The following UGT1A4 variants were observed in gnomAD, a reference collection of about 807,000 sequenced individuals.
The protein encoded by UGT1A4 is UDP glucuronosyltransferase family 1 member A4.
In UGT1A4, 32 loss-of-function variants were observed where a neutral mutation model predicts 41.1. The ratio of observed to expected loss-of-function variants is 0.78; its 90% CI spans 0.59 to 1.05. UGT1A4 has a LOEUF of 1.05. Among genes scored for constraint, UGT1A4 ranks in the 50% least tolerant of loss-of-function variants. UGT1A4 has a pLI of 0.00. For missense variants in UGT1A4, 748 were observed against 677.4 expected, an observed-to-expected ratio of 1.10 and a Z score of -1.16; for synonymous variants, 283 against 265.1, an observed-to-expected ratio of 1.07 and a Z score of -0.66.
At position 233,767,086 on chromosome 2, in the gene UGT1A4, C is replaced by A. The variant is rs1169717734; in HGVS notation, c.920C>A (p.Ser307Tyr). 2 of 1,614,008 alleles carry A rather than the reference C, an allele frequency of 1.2e-6. No individual in the cohort carries two copies. Among genetic ancestry groups the A allele is most frequent in the Non-Finnish European group, 1.7e-6 (2 of 1,180,008 alleles). Residue 307 changes from serine (S) to tyrosine (Y), a missense_variant, in exon 2 of 5, where the codon TCT becomes TAT. Coordinates refer to ENST00000373409, the MANE Select transcript of UGT1A4 (RefSeq NM_007120.3). ...ASGEHGIVVF[S>Y]LGSMVSEIPE... ...GGAGAACATGGAATTGTGGTTTTCT[C>A]TTTGGGATCAATGGTCTCAGAAATT...
chr2:233,747,249 G>T, intron 1 of UGT1A4: 1 of 1,600,822 alleles, frequency 6.2e-7, no homozygotes, highest in Non-Finnish European at 8.5e-7. Context: ...TGCTGTGGCT[G>T]GCCACAGGAG....
chr2:233,719,731 A>G (rs906516699), intron 1 of UGT1A4, 44 bp downstream of exon 1: 3 of 1,613,372 alleles, frequency 1.9e-6, no homozygotes, highest in African/African-American at 2.7e-5. Flanking sequence ...CAGGCAAAAC[A>G]CTTTTTAAAA....
At chr2:233,760,728 C>T (rs1697540030) in intron 1 of UGT1A4, 1 of 1,614,064 alleles carries the variant, frequency 6.2e-7, no homozygotes, top group African/African-American at 1.3e-5. Context: ...GCTTTGATGT[C>T]ATGCTGACGG....
intron 1 of UGT1A4, among the ~76,000 whole-genome samples, chr2:233,723,073 C>A (rs1176866455): frequency 2.1e-5 from 3 of 141,128 alleles, no homozygotes; most frequent in Non-Finnish European, 3.0e-5. Flanking sequence ...GGAAATATAT[C>A]ATCATTTTTG....
intron 1 of UGT1A4, chr2:233,755,045 G>C (rs745537470): frequency 7.5e-7 from 1 of 1,325,478 alleles, no homozygotes; most frequent in Non-Finnish European, 1.0e-6. Context: ...CTGCGCAGCC[G>C]CCCTCCGCCC....
intron 1 of UGT1A4, chr2:233,747,762 G>A: frequency 1.2e-6 from 2 of 1,613,366 alleles, no homozygotes; most frequent in South Asian, 2.2e-5. Context: ...AGACTTTAAG[G>A]GCACACAGTG....
intron 1 of UGT1A4, among the ~76,000 whole-genome samples, chr2:233,746,471 A>G (rs538596800): frequency 6.6e-6 from 1 of 151,696 alleles, no homozygotes; most frequent in Non-Finnish European, 1.5e-5. Context: ...GGGTTCCAGA[A>G]ACACTTTCCA....
intron 1 of UGT1A4, among the ~76,000 whole-genome samples, chr2:233,765,711 T>TTAATAATAA (rs10664358): frequency 0.012 from 1,790 of 149,272 alleles, 15 homozygotes; most frequent in Middle Eastern, 0.045. Context: ...ATAATAATAA[T>TTAATAATAA]TAATAATAAT....
chr2:233,769,742 C>A lies in UGT1A4; in HGVS notation c.1307+1303C>A, dbSNP rs2126047976. 6.9e-7 allele frequency: 1 copy of A among 1,450,742 alleles called. No individual in the cohort carries two copies. Among genetic ancestry groups the A allele is most frequent in the Non-Finnish European group, 9.1e-7 (1 of 1,100,114 alleles). The allele number at this position is 1,450,742 out of a possible 1,614,324, so 89.9% of individuals were successfully genotyped here. ...CCATGGCACACGCCTGTAGTCCCAG[C>A]CACTCTGGAGGCTAAGGCGGGAGGA... On this transcript the variant is annotated intron_variant, in intron 4 of 4. Coordinates refer to ENST00000373409, the MANE Select transcript of UGT1A4 (RefSeq NM_007120.3). This position sits in a 1 kb window ranked among gnomAD's most constrained non-coding sequence, Gnocchi z 4.4.
chr2:233,767,749 G>A (rs1699471404), intron 2 of UGT1A4, 100 bp from the exon 3 acceptor site: 1 of 1,594,036 alleles, frequency 6.3e-7, no homozygotes, highest in African/African-American at 1.3e-5. Context: ...GTTAAAGACT[G>A]TTCCTTCAGA....
At chr2:233,750,039 G>A (rs1434781604) in intron 1 of UGT1A4, among the ~76,000 whole-genome samples, 1 of 151,888 alleles carries the variant, frequency 6.6e-6, no homozygotes, top group East Asian at 1.9e-4. Flanking sequence ...AAAGATACTT[G>A]AAAATGTGGA....
chr2:233,760,387 C>T (rs756175438), intron 1 of UGT1A4: 3 of 1,614,166 alleles, frequency 1.9e-6, no homozygotes, highest in Non-Finnish European at 1.7e-6. Flanking sequence ...ACTGTTGATC[C>T]CAGTGGATGG....
chr2:233,735,501 C>A (rs1331221711), intron 1 of UGT1A4, among the ~76,000 whole-genome samples: 1 of 152,100 alleles, frequency 6.6e-6, no homozygotes, highest in African/African-American at 2.4e-5. Flanking sequence ...CAGCATTTAG[C>A]CCATTTACAT....
chr2:233,761,293 G>A, intron 1 of UGT1A4: 1 of 1,522,614 alleles, frequency 6.6e-7, no homozygotes, highest in African/African-American at 1.4e-5. Context: ...TTGACTCCTA[G>A]GTTTGAGTCT....
At position 233,719,467 on chromosome 2, in the gene UGT1A4, A is replaced by G. The variant is rs1275256399; in HGVS notation, c.647A>G (p.Tyr216Cys). ...CTGCAAAGGGTCAAGAACATGCTCT[A>G]CCCTCTGGCCCTGTCCTACATTTGC... ...TFLQRVKNML[Y>C]PLALSYICHT... Residue 216 changes from tyrosine (Y) to cysteine (C), a missense_variant, in exon 1 of 5, where the codon TAC (tyrosine) becomes TGC (cysteine). Coordinates refer to ENST00000373409, the MANE Select transcript of UGT1A4 (RefSeq NM_007120.3). 1.9e-6 allele frequency: 3 copies of G among 1,613,820 alleles called. No individual in the cohort carries two copies. The highest frequency in any genetic ancestry group is 1.1e-5 in the South Asian group (1 of 91,060).
chr2:233,769,111 C>T lies in UGT1A4; in HGVS notation c.1307+672C>T, dbSNP rs899905689. Among the ~76,000 whole-genome samples the T allele has an allele frequency of 3.9e-5, 6 of 152,132 alleles. No homozygotes were observed. Among genetic ancestry groups the T allele is most frequent in the African/African-American group, 1.4e-4 (6 of 41,418 alleles). ...CATAGTATCTTTAAGAGAAAAACAACTCAAATGCTTAGAAGTACAGCTTTT... is the reference window on the plus strand; with the variant it reads ...CATAGTATCTTTAAGAGAAAAACAATTCAAATGCTTAGAAGTACAGCTTTT... On this transcript the variant is annotated intron_variant, in intron 4 of 4. Coordinates refer to ENST00000373409, the MANE Select transcript of UGT1A4 (RefSeq NM_007120.3). This position sits in a 1 kb window ranked among gnomAD's most constrained non-coding sequence, Gnocchi z 4.4.
At chr2:233,738,343 T>C (rs1471318863) in intron 1 of UGT1A4, among the ~76,000 whole-genome samples, 1 of 152,180 alleles carries the variant, frequency 6.6e-6, no homozygotes, top group Non-Finnish European at 1.5e-5. Context: ...TAAATTGGTG[T>C]CATGGAGAGT....
intron 1 of UGT1A4, 25 bp from the exon 2 acceptor site, chr2:233,767,005 TTAAC>T (rs753326341): frequency 3.7e-6 from 6 of 1,613,726 alleles, no homozygotes; most frequent in Non-Finnish European, 5.1e-6. Flanking sequence ...TGAGAAAAAA[TTAAC>T]TGAAAATTTT....
In UGT1A4 at chr2:233,772,321, T is replaced by C; in HGVS notation, c.1367T>C (p.Leu456Pro). 1 of 1,614,248 alleles carries C rather than the reference T, an allele frequency of 6.2e-7. No homozygotes were observed. The highest frequency in any genetic ancestry group is 8.5e-7 in the Non-Finnish European group (1 of 1,180,036). ...CACAAGGACCGCCCGGTGGAGCCGC[T>C]GGACCTGGCCGTGTTCTGGGTGGAG... is the stretch of plus-strand genomic sequence containing the variant. Reference protein sequence around the residue: ...SLHKDRPVEPLDLAVFWVEFV... With the variant: ...SLHKDRPVEPPDLAVFWVEFV... Residue 456 changes from leucine to proline, a missense_variant, in exon 5 of 5, where the codon CTG (leucine) becomes CCG (proline). By Grantham distance (98) the Leu-to-Pro change is moderately conservative. Coordinates refer to ENST00000373409, the MANE Select transcript of UGT1A4 (RefSeq NM_007120.3).
Sources: allele counts gnomAD v4.1 joint callset (sites outside exome capture counted in the v4.1 genomes callset), GRCh38; gene constraint gnomAD v4.1.1; non-coding constraint Gnocchi (gnomAD v3.1); transcripts MANE v1.5; gene names NCBI Gene and HGNC (gene_info 2026-07-23, HGNC 2026-07-21).